PXDNL: variants seen among roughly 807,000 people sequenced by gnomAD.
PXDNL encodes the protein peroxidasin like, also known as probable oxidoreductase PXDNL.
PXDNL carries 145 observed loss-of-function variants against 150.8 expected under a neutral mutation model. The ratio of observed to expected loss-of-function variants is 0.96; its 90% CI spans 0.84 to 1.10. PXDNL has a LOEUF of 1.10. Among genes scored for constraint, PXDNL ranks in the 50% least tolerant of loss-of-function variants. The probability of loss-of-function intolerance (pLI) is 0.00; values close to 1 mark genes in which losing one functional copy is unlikely to be tolerated. For missense variants in PXDNL, 2,087 were observed against 1,873.9 expected, an observed-to-expected ratio of 1.11 and a Z score of -2.10; for synonymous variants, 757 against 725.7, an observed-to-expected ratio of 1.04 and a Z score of -0.69.
chr8:51,530,664 T>G (rs763796084), intron 4 of PXDNL, among the ~76,000 whole-genome samples: 28 of 152,110 alleles, frequency 1.8e-4, no homozygotes, highest in Non-Finnish European at 3.1e-4. Context: ...CCTAGTTAGC[T>G]CCGACCTGTG....
At chr8:51,376,131 T>C (rs1392371042) in intron 17 of PXDNL, among the ~76,000 whole-genome samples, 1 of 152,222 alleles carries the variant, frequency 6.6e-6, no homozygotes, top group Non-Finnish European at 1.5e-5. Context: ...AATTACTCTA[T>C]GATAGATATC....
intron 21 of PXDNL, among the ~76,000 whole-genome samples, chr8:51,331,561 C>A (rs747989354): frequency 3.5e-4 from 53 of 152,128 alleles, no homozygotes; most frequent in Non-Finnish European, 6.5e-4. Flanking sequence ...TCTTTCGTAG[C>A]TGGGAGGCAG....
At chr8:51,641,575 C>T (rs1435648292) in intron 2 of PXDNL, among the ~76,000 whole-genome samples, 3 of 152,076 alleles carry the variant, frequency 2.0e-5, no homozygotes, top group South Asian at 4.2e-4. Flanking sequence ...CAAAAGAAGA[C>T]ATTTATGCAG....
At chr8:51,380,922 C>T (rs983162419) in intron 17 of PXDNL, among the ~76,000 whole-genome samples, 1 of 151,996 alleles carries the variant, frequency 6.6e-6, no homozygotes, top group Non-Finnish European at 1.5e-5. Context: ...GGCTTATGTC[C>T]TAAATTATAT....
intron 2 of PXDNL, among the ~76,000 whole-genome samples, chr8:51,624,786 G>C (rs1304364181): frequency 6.6e-6 from 1 of 151,128 alleles, no homozygotes; most frequent in South Asian, 2.1e-4. Flanking sequence ...TTCCCAGTCT[G>C]AAAGCCAGAG....
intron 1 of PXDNL, among the ~76,000 whole-genome samples, chr8:51,786,874 T>G (rs1411729106): frequency 6.6e-6 from 1 of 152,180 alleles, no homozygotes; most frequent in Admixed American, 6.5e-5. Context: ...CTTCAAAACT[T>G]TGAAGGACAG....
At chr8:51,631,702 A>T (rs1033359584) in intron 2 of PXDNL, among the ~76,000 whole-genome samples, 2 of 152,184 alleles carry the variant, frequency 1.3e-5, no homozygotes, top group Middle Eastern at 3.2e-3. Context: ...ATGTAAATAC[A>T]TAAAATAATA....
chr8:51,576,191 A>G (rs1442310454), intron 3 of PXDNL, among the ~76,000 whole-genome samples: 3 of 142,804 alleles, frequency 2.1e-5, no homozygotes, highest in African/African-American at 8.1e-5. Context: ...TTATTAGAAC[A>G]CTGCTCCAAA....
At chr8:51,763,592 TTG>T (rs1191784427) in intron 1 of PXDNL, among the ~76,000 whole-genome samples, 8 of 152,174 alleles carry the variant, frequency 5.3e-5, no homozygotes. Flanking sequence ...GGATGCCCAC[TTG>T]GGCCTCTTCC....
At chr8:51,724,560 G>A (rs113991074) in intron 1 of PXDNL, among the ~76,000 whole-genome samples, 2,050 of 152,328 alleles carry the variant, frequency 0.013, 30 homozygotes, top group South Asian at 0.039. Context: ...GTGTTTACCT[G>A]TGGAGGGTGT....
At chr8:51,423,971 T>A (rs1326186551) in intron 13 of PXDNL, among the ~76,000 whole-genome samples, 3 of 152,176 alleles carry the variant, frequency 2.0e-5, no homozygotes, top group Non-Finnish European at 4.4e-5. Flanking sequence ...AGTTCAATCA[T>A]GTAATTATTT....
rs912096030 is a variant in PXDNL at position 51,319,835 on chromosome 8, T to C, written c.*56A>G. On this transcript the variant is annotated 3_prime_UTR_variant, in exon 23 of 23. Transcript: ENST00000356297. ...CTACAAGTTAAAAGTTCTGAAGTCC[T>C]AAATGTCTCTTCCTGAGAAATTTCC... is the stretch of plus-strand genomic sequence containing the variant. 7.8e-6 allele frequency: 11 copies of C among 1,404,550 alleles called. No homozygotes were observed. The highest frequency in any genetic ancestry group is 1.0e-5 in the Non-Finnish European group (11 of 1,070,672). The allele number at this position is 1,404,550 out of a possible 1,614,324, so 87.0% of individuals were successfully genotyped here.
In PXDNL at chr8:51,585,656, G is replaced by A. The variant is rs1418066878; in HGVS notation, c.308+6971C>T. On this transcript the variant is annotated intron_variant, in intron 3 of 22. Coordinates refer to ENST00000356297, the MANE Select transcript of PXDNL (RefSeq NM_144651.5). The stretch of plus-strand genomic sequence containing the variant: ...AGAAGTAAGTAAGAGCTAACTACAC[G>A]GAGACAGAAAGCTTGGCACACAAAC... Among the ~76,000 whole-genome samples, 8 of 152,064 alleles carry A rather than the reference G, an allele frequency of 5.3e-5. No homozygotes were observed. The South Asian group carries it at 8.3e-4, about 16-fold the overall frequency.
At chr8:51,690,540 G>A (rs1471095667) in intron 1 of PXDNL, among the ~76,000 whole-genome samples, 1 of 152,064 alleles carries the variant, frequency 6.6e-6, no homozygotes, top group Admixed American at 6.6e-5. Flanking sequence ...TGGTGTATAT[G>A]TGCCACATTT....
At position 51,540,914 on chromosome 8, in the gene PXDNL, C is replaced by T. The variant is rs558501877; in HGVS notation, c.380+15926G>A. Among the ~76,000 whole-genome samples the T allele has an allele frequency of 1.0e-3, 152 of 149,292 alleles. 2 individuals are homozygous for T. The highest frequency in any genetic ancestry group is 3.6e-3 in the African/African-American group (145 of 40,814). On this transcript the variant is annotated intron_variant, in intron 4 of 22. Coordinates refer to ENST00000356297, the MANE Select transcript of PXDNL (RefSeq NM_144651.5). Reference sequence around the variant, plus strand: ...GTAATTTTTGACTGGATGATGGAAACTGTGATTTTTAGTTTCTTGGGTGCA... The same window carrying T: ...GTAATTTTTGACTGGATGATGGAAATTGTGATTTTTAGTTTCTTGGGTGCA...
intron 1 of PXDNL, among the ~76,000 whole-genome samples, chr8:51,787,377 C>T (rs908334677): frequency 1.3e-5 from 2 of 152,150 alleles, no homozygotes; most frequent in Non-Finnish European, 2.9e-5. Context: ...AAAGATTCAC[C>T]ATTCTAAATG....
chr8:51,525,014 C>T (rs1439540176), intron 4 of PXDNL, among the ~76,000 whole-genome samples: 1 of 152,110 alleles, frequency 6.6e-6, no homozygotes, highest in Non-Finnish European at 1.5e-5. Flanking sequence ...TGATGATGCG[C>T]CATCCCAGAA....
intron 9 of PXDNL, among the ~76,000 whole-genome samples, chr8:51,454,116 T>A (rs1323048466): frequency 6.6e-6 from 1 of 152,198 alleles, no homozygotes; most frequent in Admixed American, 6.5e-5. Context: ...TCACATTTTT[T>A]TAAACACAGT....
chr8:51,319,744 G>T lies in PXDNL; in HGVS notation c.*147C>A, dbSNP rs918478186. 40 of 530,178 alleles carry T rather than the reference G, an allele frequency of 7.5e-5. No homozygotes were observed. Among genetic ancestry groups the T allele is most frequent in the Admixed American group, 2.2e-4 (5 of 23,062 alleles). The allele number at this position is 530,178 out of a possible 1,614,324, so 32.8% of individuals were successfully genotyped here. ...TTAGAAAATGAAAAAATAAAAGATC[G>T]TAAGTATATGTAAGATTAGATGAAC... On this transcript the variant is annotated 3_prime_UTR_variant, in exon 23 of 23. Transcript: ENST00000356297.
Sources: gnomAD v4.1 joint callset for allele counts (sites outside exome capture counted in the v4.1 genomes callset) on GRCh38, gnomAD v4.1.1 for gene constraint, MANE v1.5 for transcripts, NCBI Gene and HGNC (gene_info 2026-07-23, HGNC 2026-07-21) for gene names.